SLC71A2: variants seen among roughly 807,000 people sequenced by gnomAD.
SLC71A2 encodes hippocampus abundant transcript-like 1.
chr9:94,389,911 C>T, the SLC71A2 span, among the ~76,000 whole-genome samples: 1 of 151,394 alleles, frequency 6.6e-6, no homozygotes, highest in Non-Finnish European at 1.5e-5. Flanking sequence ...TCTGACCCCT[C>T]TTTTACTCTT....
the SLC71A2 span, among the ~76,000 whole-genome samples, chr9:94,444,741 A>G: frequency 3.3e-5 from 5 of 152,250 alleles, no homozygotes; most frequent in East Asian, 9.6e-4. Flanking sequence ...ACACATTCTT[A>G]AATCACTTTA....
chr9:94,460,091 G>A, the SLC71A2 span: 1 of 152,228 alleles, frequency 6.6e-6, no homozygotes, highest in Admixed American at 6.6e-5. Flanking sequence ...CTTAAATCAT[G>A]TAAAACTCAA....
chr9:94,455,497 G>A, the SLC71A2 span, among the ~76,000 whole-genome samples: 1 of 148,996 alleles, frequency 6.7e-6, no homozygotes, highest in Non-Finnish European at 1.5e-5. Context: ...TTACAGTCAT[G>A]AGCCACTGTC....
At chr9:94,439,022 GTTTTTTTT>G in the SLC71A2 span, among the ~76,000 whole-genome samples, 252 of 115,706 alleles carry the variant, frequency 2.2e-3, 9 homozygotes, top group South Asian at 0.067. Flanking sequence ...ATTTGAGTTC[GTTTTTTTT>G]TTTTTTTTGG....
chr9:94,458,740 T>C, the SLC71A2 span, among the ~76,000 whole-genome samples: 1 of 152,238 alleles, frequency 6.6e-6, no homozygotes, highest in Admixed American at 6.5e-5. Context: ...AGTTAAAATT[T>C]GAAATGACCT....
chr9:94,440,775 G>A, the SLC71A2 span, among the ~76,000 whole-genome samples: 4 of 151,968 alleles, frequency 2.6e-5, no homozygotes, highest in Admixed American at 6.5e-5. Context: ...TAGGGGGCAT[G>A]TACTGACCCC....
the SLC71A2 span, among the ~76,000 whole-genome samples, chr9:94,416,545 C>T: frequency 4.6e-5 from 7 of 152,126 alleles, no homozygotes; most frequent in Non-Finnish European, 7.4e-5. Flanking sequence ...GTTTTTAATT[C>T]TTCTGGCACA....
At chr9:94,454,749 A>G in the SLC71A2 span, among the ~76,000 whole-genome samples, 1 of 152,332 alleles carries the variant, frequency 6.6e-6, no homozygotes, top group South Asian at 2.1e-4. Context: ...GGCAAGCTTC[A>G]CTATGACTTA....
the SLC71A2 span, among the ~76,000 whole-genome samples, chr9:94,434,292 G>C: frequency 6.6e-6 from 1 of 152,194 alleles, no homozygotes; most frequent in Admixed American, 6.5e-5. Context: ...TGGCTGAATA[G>C]GAAATTTTAG....
At chr9:94,404,264 A>G in the SLC71A2 span, among the ~76,000 whole-genome samples, 1 of 152,138 alleles carries the variant, frequency 6.6e-6, no homozygotes, top group Non-Finnish European at 1.5e-5. Flanking sequence ...TTCCCTAATG[A>G]TAAGTGATGT....
At chr9:94,419,463 T>TG in the SLC71A2 span, among the ~76,000 whole-genome samples, 2 of 151,764 alleles carry the variant, frequency 1.3e-5, no homozygotes, top group African/African-American at 4.9e-5. Context: ...CTGGCTCTTT[T>TG]TTTTTGTTTT....
At chr9:94,456,457 T>C in the SLC71A2 span, 2 of 683,854 alleles carry the variant, frequency 2.9e-6, no homozygotes, top group Non-Finnish European at 5.3e-6. Flanking sequence ...TGGCCCCTTT[T>C]ATCATACCTA....
At chr9:94,401,205 C>G in the SLC71A2 span, among the ~76,000 whole-genome samples, 3 of 151,324 alleles carry the variant, frequency 2.0e-5, no homozygotes, top group Admixed American at 1.3e-4. Context: ...GAGTCTCACT[C>G]TGTCACCCAG....
the SLC71A2 span, among the ~76,000 whole-genome samples, chr9:94,418,247 A>G: frequency 9.2e-5 from 14 of 152,144 alleles, no homozygotes; most frequent in African/African-American, 3.1e-4. Flanking sequence ...ATTGTTTTCT[A>G]TGCTTTTGTT....
the SLC71A2 span, chr9:94,441,210 TATCTG>T: frequency 6.1e-6 from 3 of 492,350 alleles, no homozygotes; most frequent in Middle Eastern, 4.8e-4. Flanking sequence ...TGTAAAGAAA[TATCTG>T]AGACTGGGTA....
the SLC71A2 span, among the ~76,000 whole-genome samples, chr9:94,422,599 C>CA: frequency 6.6e-6 from 1 of 151,976 alleles, no homozygotes; most frequent in South Asian, 2.1e-4. Flanking sequence ...AGTGGGTGAA[C>CA]AATTTACTCT....
the SLC71A2 span, among the ~76,000 whole-genome samples, chr9:94,421,052 C>A: frequency 6.6e-6 from 1 of 150,770 alleles, no homozygotes; most frequent in Non-Finnish European, 1.5e-5. Context: ...TTCTGTATTT[C>A]CCTGATTGTC....
chr9:94,425,327 G>A, the SLC71A2 span, among the ~76,000 whole-genome samples: 12 of 152,176 alleles, frequency 7.9e-5, 1 homozygote, highest in East Asian at 1.7e-3. Flanking sequence ...AAGACAGTAT[G>A]TCTGTTCTTT....
At chr9:94,444,902 G>A in the SLC71A2 span, 2 of 1,513,118 alleles carry the variant, frequency 1.3e-6, no homozygotes, top group Admixed American at 1.7e-5. Context: ...CCTGGGTAAG[G>A]ATATGCTTTC....
Sources: allele counts gnomAD v4.1 joint callset (sites outside exome capture counted in the v4.1 genomes callset), GRCh38; gene constraint gnomAD v4.1.1; transcripts MANE v1.5; gene names NCBI Gene and HGNC (gene_info 2026-07-23, HGNC 2026-07-21).